The following DRC9 variants were observed in gnomAD, a reference collection of about 807,000 sequenced individuals.
DRC9 encodes the protein dynein regulatory complex protein 9.
At chr3:197,946,360 G>A in the DRC9 span, among the ~76,000 whole-genome samples, 4 of 151,042 alleles carry the variant, frequency 2.6e-5, no homozygotes, top group African/African-American at 7.4e-5. Context: ...GCGTGAACCT[G>A]GGAGGCAGAG....
chr3:197,900,226 G>A, the DRC9 span, among the ~76,000 whole-genome samples: 2 of 152,188 alleles, frequency 1.3e-5, no homozygotes, highest in Admixed American at 6.5e-5. This position sits in a 1 kb window ranked among gnomAD's most constrained non-coding sequence, Gnocchi z 4.7. Flanking sequence ...CAACCCTTAC[G>A]CAAGCCCTGG....
the DRC9 span, among the ~76,000 whole-genome samples, chr3:197,947,331 A>G: frequency 1.3e-5 from 2 of 152,262 alleles, no homozygotes; most frequent in African/African-American, 4.8e-5. Flanking sequence ...AAATCTCATC[A>G]TGTCCTTCCC....
At chr3:197,890,245 AAG>A in the DRC9 span, among the ~76,000 whole-genome samples, 1 of 152,088 alleles carries the variant, frequency 6.6e-6, no homozygotes, top group Non-Finnish European at 1.5e-5. Flanking sequence ...AAATACAAAA[AAG>A]AAAAAAAATT....
the DRC9 span, among the ~76,000 whole-genome samples, chr3:197,936,707 C>T: frequency 6.6e-6 from 1 of 152,136 alleles, no homozygotes; most frequent in Non-Finnish European, 1.5e-5. Flanking sequence ...CCACTTGATT[C>T]TGGATAACTG....
the DRC9 span, chr3:197,959,841 T>C: frequency 9.7e-6 from 2 of 206,130 alleles, no homozygotes; most frequent in Non-Finnish European, 2.0e-5. Context: ...AGTATTCCAC[T>C]CACCTTTTCA....
chr3:197,897,770 C>CTTTTTT, the DRC9 span, among the ~76,000 whole-genome samples: 2 of 126,378 alleles, frequency 1.6e-5, no homozygotes, highest in African/African-American at 3.1e-5. Flanking sequence ...AAGCATAAAC[C>CTTTTTT]TTTTTTTTTT....
At chr3:197,954,196 T>C in the DRC9 span, 2 of 1,604,648 alleles carry the variant, frequency 1.2e-6, no homozygotes, top group Non-Finnish European at 1.7e-6. Context: ...CAGACTAGGT[T>C]CAAGGTGTTG....
the DRC9 span, among the ~76,000 whole-genome samples, chr3:197,942,052 T>C: frequency 2.9e-3 from 437 of 152,218 alleles, 4 homozygotes; most frequent in Non-Finnish European, 4.7e-3. Flanking sequence ...ATTTTAAAAC[T>C]ACCCCAAAAC....
At chr3:197,949,788 T>C in the DRC9 span, 2 of 350,048 alleles carry the variant, frequency 5.7e-6, no homozygotes, top group African/African-American at 4.2e-5. Context: ...TTCTGTCTAT[T>C]GCTGTGTGTA....
the DRC9 span, among the ~76,000 whole-genome samples, chr3:197,893,168 A>C: frequency 6.6e-6 from 1 of 151,610 alleles, no homozygotes; most frequent in Non-Finnish European, 1.5e-5. Context: ...GACCAGTCTG[A>C]CCAACGTGGA....
chr3:197,915,163 C>CAAAAAAAA, the DRC9 span, among the ~76,000 whole-genome samples: 2 of 71,334 alleles, frequency 2.8e-5, no homozygotes, highest in African/African-American at 4.4e-5. Context: ...GATTCTGTCT[C>CAAAAAAAA]AAAAAAAAAA....
the DRC9 span, among the ~76,000 whole-genome samples, chr3:197,906,199 C>T: frequency 1.3e-5 from 2 of 152,132 alleles, no homozygotes; most frequent in Non-Finnish European, 1.5e-5. Context: ...TCTCACTGTC[C>T]GGTCACCAGA....
At chr3:197,943,782 C>T in the DRC9 span, 1 of 1,614,050 alleles carries the variant, frequency 6.2e-7, no homozygotes, top group Admixed American at 1.7e-5. Context: ...CTATACCACG[C>T]AGATGCTCTG....
the DRC9 span, chr3:197,950,950 G>T: frequency 6.2e-7 from 1 of 1,614,060 alleles, no homozygotes; most frequent in Non-Finnish European, 8.5e-7. Flanking sequence ...GCTGGGAACG[G>T]GACTTCTAAA....
chr3:197,907,994 C>G, the DRC9 span, among the ~76,000 whole-genome samples: 80 of 147,890 alleles, frequency 5.4e-4, 1 homozygote, highest in Non-Finnish European at 9.5e-4. Flanking sequence ...TCCCAGGCAT[C>G]CTCCCAGATG....
At chr3:197,917,242 C>T in the DRC9 span, among the ~76,000 whole-genome samples, 3 of 152,176 alleles carry the variant, frequency 2.0e-5, no homozygotes, top group African/African-American at 4.8e-5. Flanking sequence ...CCTTGAGCCC[C>T]GGAGGCCGAG....
the DRC9 span, among the ~76,000 whole-genome samples, chr3:197,900,956 A>G: frequency 2.0e-5 from 3 of 152,144 alleles, no homozygotes; most frequent in Non-Finnish European, 4.4e-5. The surrounding 1 kb of genome is among the most constrained non-coding windows in gnomAD (Gnocchi z 4.7). Flanking sequence ...GGGGTACACC[A>G]TGGGCCTTGG....
chr3:197,936,721 G>A, the DRC9 span, among the ~76,000 whole-genome samples: 1 of 152,166 alleles, frequency 6.6e-6, no homozygotes, highest in African/African-American at 2.4e-5. Flanking sequence ...ATAACTGGTG[G>A]AGATGTACAT....
chr3:197,893,298 G>A, the DRC9 span, among the ~76,000 whole-genome samples: 1 of 139,828 alleles, frequency 7.2e-6, no homozygotes, highest in Non-Finnish European at 1.5e-5. Context: ...CGGAGGTTGC[G>A]GTAAGCCCAG....
Sources: gnomAD v4.1 joint callset for allele counts (sites outside exome capture counted in the v4.1 genomes callset) on GRCh38, gnomAD v4.1.1 for gene constraint, Gnocchi (gnomAD v3.1) non-coding constraint, MANE v1.5 for transcripts, NCBI Gene and HGNC (gene_info 2026-07-23, HGNC 2026-07-21) for gene names.